The following MAGI2 variants were observed in gnomAD, a reference collection of about 807,000 sequenced individuals.
The protein encoded by MAGI2 is membrane-associated guanylate kinase, WW and PDZ domain-containing protein 2.
In MAGI2, 35 loss-of-function variants were observed where a neutral mutation model predicts 133.3. The observed-to-expected ratio is 0.26, with a 90% CI of 0.20 to 0.35. The LOEUF (loss-of-function observed/expected upper bound fraction) is 0.35. Ranked by LOEUF, MAGI2 falls within the 10% of genes least tolerant of loss-of-function variation. The probability of loss-of-function intolerance (pLI) is 1.00; values close to 1 mark genes in which losing one functional copy is unlikely to be tolerated. For synonymous variants in MAGI2, 729 were observed against 710.6 expected (o/e 1.03, Z -0.41); for missense variants, 1,636 against 1,863.4 (o/e 0.88, Z 2.25).
At chr7:78,602,809 A>T (rs2150883444) in intron 3 of MAGI2, among the ~76,000 whole-genome samples, 1 of 152,338 alleles carries the variant, frequency 6.6e-6, no homozygotes, top group South Asian at 2.1e-4. Context: ...TTATTAGAAA[A>T]AAATAAATCT....
At chr7:78,998,451 G>T (rs1165201683) in intron 2 of MAGI2, among the ~76,000 whole-genome samples, 1 of 151,974 alleles carries the variant, frequency 6.6e-6, no homozygotes, top group Non-Finnish European at 1.5e-5. Flanking sequence ...TAATACCTTT[G>T]CCAAGGCCCT....
intron 6 of MAGI2, among the ~76,000 whole-genome samples, chr7:78,402,490 T>C (rs534042380): frequency 6.6e-6 from 1 of 152,296 alleles, no homozygotes; most frequent in African/African-American, 2.4e-5. Context: ...CATGTGTCAG[T>C]CCCATTCTTT....
chr7:78,734,827 G>T (rs764047176), intron 2 of MAGI2, among the ~76,000 whole-genome samples: 8 of 152,108 alleles, frequency 5.3e-5, no homozygotes, highest in Non-Finnish European at 1.2e-4. Context: ...GTCATCCTGA[G>T]GTCAGTGAGT....
intron 1 of MAGI2, among the ~76,000 whole-genome samples, chr7:79,130,848 G>T (rs1223133184): frequency 6.6e-6 from 1 of 152,176 alleles, no homozygotes; most frequent in Non-Finnish European, 1.5e-5. Context: ...AAGCCAAAAG[G>T]TAGCTTGGTT....
At chr7:79,111,662 T>C (rs1818933010) in intron 1 of MAGI2, among the ~76,000 whole-genome samples, 3 of 151,834 alleles carry the variant, frequency 2.0e-5, no homozygotes, top group Non-Finnish European at 4.4e-5. Context: ...TAGAGACTTT[T>C]GTTTGTTTGT....
At chr7:78,442,882 T>C (rs1787765202) in intron 6 of MAGI2, among the ~76,000 whole-genome samples, 1 of 152,176 alleles carries the variant, frequency 6.6e-6, no homozygotes, top group African/African-American at 2.4e-5. Flanking sequence ...CTGTCTATAA[T>C]ACAAGATTAG....
intron 9 of MAGI2, among the ~76,000 whole-genome samples, chr7:78,337,470 A>C (rs1789892964): frequency 6.6e-6 from 1 of 152,180 alleles, no homozygotes; most frequent in Non-Finnish European, 1.5e-5. Context: ...CCTGGTTCAA[A>C]CTTTTTGGTA....
At chr7:78,315,058 C>T (rs1381479406) in intron 9 of MAGI2, among the ~76,000 whole-genome samples, 1 of 152,130 alleles carries the variant, frequency 6.6e-6, no homozygotes. Flanking sequence ...ATTTGTATAA[C>T]TTTAGAGCTG....
At chr7:78,344,165 A>T (rs956064841) in intron 8 of MAGI2, among the ~76,000 whole-genome samples, 1 of 152,174 alleles carries the variant, frequency 6.6e-6, no homozygotes, top group African/African-American at 2.4e-5. Context: ...GCATCCAGGG[A>T]AAGATGAAAA....
At chr7:78,859,475 A>G (rs1400326423) in intron 2 of MAGI2, among the ~76,000 whole-genome samples, 1 of 151,978 alleles carries the variant, frequency 6.6e-6, no homozygotes. Context: ...TCTGTAAAGG[A>G]TTTTATTTCT....
intron 1 of MAGI2, among the ~76,000 whole-genome samples, chr7:79,209,680 G>A (rs1829342914): frequency 6.6e-6 from 1 of 151,870 alleles, no homozygotes; most frequent in South Asian, 2.1e-4. Flanking sequence ...TCTCCTCCAG[G>A]ACAATTAATC....
At chr7:79,419,038 T>A (rs896752745) in intron 1 of MAGI2, among the ~76,000 whole-genome samples, 5 of 152,056 alleles carry the variant, frequency 3.3e-5, no homozygotes, top group Non-Finnish European at 5.9e-5. Flanking sequence ...GAAACTCACT[T>A]TTAGGTAAAC....
At chr7:78,892,035 A>T (rs1336513039) in intron 2 of MAGI2, among the ~76,000 whole-genome samples, 2 of 152,230 alleles carry the variant, frequency 1.3e-5, no homozygotes, top group African/African-American at 4.8e-5. Context: ...GCAAATTCTC[A>T]GGATACAAAA....
At chr7:78,741,107 TATACAC>T (rs1191220614) in intron 2 of MAGI2, among the ~76,000 whole-genome samples, 4 of 152,254 alleles carry the variant, frequency 2.6e-5, no homozygotes, top group African/African-American at 7.2e-5. Context: ...GGGGAGATTC[TATACAC>T]ATAAACAGCA....
At chr7:78,872,923 A>C (rs1485164407) in intron 2 of MAGI2, among the ~76,000 whole-genome samples, 1 of 152,242 alleles carries the variant, frequency 6.6e-6, no homozygotes, top group Non-Finnish European at 1.5e-5. Flanking sequence ...AAAATATGTA[A>C]CACTGTGAAA....
intron 2 of MAGI2, among the ~76,000 whole-genome samples, chr7:78,851,372 A>G (rs1793126242): frequency 6.6e-6 from 1 of 152,054 alleles, no homozygotes; most frequent in South Asian, 2.1e-4. Flanking sequence ...TGAGGGGCAC[A>G]ATGTTCTTTG....
intron 10 of MAGI2, among the ~76,000 whole-genome samples, chr7:78,242,396 C>A (rs1455474755): frequency 6.6e-6 from 1 of 152,198 alleles, no homozygotes; most frequent in Non-Finnish European, 1.5e-5. Flanking sequence ...ACATGCACTG[C>A]AACTTATGTG....
intron 6 of MAGI2, among the ~76,000 whole-genome samples, chr7:78,397,397 A>ACACACACACC (rs1465475656): frequency 6.8e-6 from 1 of 146,956 alleles, no homozygotes; most frequent in Non-Finnish European, 1.5e-5. Context: ...ACACACACAC[A>ACACACACACC]CCCCTTGTCT....
intron 1 of MAGI2, among the ~76,000 whole-genome samples, chr7:79,161,317 G>A (rs1824332629): frequency 6.6e-6 from 1 of 152,096 alleles, no homozygotes; most frequent in African/African-American, 2.4e-5. Flanking sequence ...GGTAAAAGCT[G>A]GAGTGCTAGT....
Sources: allele counts gnomAD v4.1 joint callset (sites outside exome capture counted in the v4.1 genomes callset), GRCh38; gene constraint gnomAD v4.1.1; transcripts MANE v1.5; gene names NCBI Gene and HGNC (gene_info 2026-07-23, HGNC 2026-07-21).